The following SNTG2 variants were observed in gnomAD, a reference collection of about 807,000 sequenced individuals.
SNTG2 encodes the protein gamma-2-syntrophin.
SNTG2 carries 74 observed loss-of-function variants against 70.9 expected under a neutral mutation model. The ratio of observed to expected loss-of-function variants is 1.04; its 90% CI spans 0.86 to 1.27. The LOEUF (loss-of-function observed/expected upper bound fraction) is 1.27, where lower values mean the gene tolerates loss of function less well. Among genes scored for constraint, SNTG2 ranks in the 50% most tolerant of loss-of-function variants. The pLI is 0.00. For synonymous variants in SNTG2, 278 were observed against 273.8 expected (o/e 1.02, Z -0.15); for missense variants, 717 against 690.7 (o/e 1.04, Z -0.43).
rs1247007477 is a variant in SNTG2 at position 1,056,190 on chromosome 2, A to G, written c.73-27328A>G. On this transcript the variant is annotated intron_variant, in intron 1 of 16. Transcript: ENST00000308624. ...AGCTTCATTCTGAAGGAAGGAGTTG[A>G]ATAAGTTAAGGAAAGTGGATGAGAG... 1.0e-4 allele frequency among the ~76,000 whole-genome samples: 14 copies of G among 137,550 alleles called. 1 individual carries two copies. Among genetic ancestry groups the G allele is most frequent in the Admixed American group, 6.0e-4 (8 of 13,242 alleles). 90.2% of individuals were successfully genotyped at this position (137,550 alleles called of 152,430 possible). A position where few individuals can be genotyped will look rare whatever the true frequency, so the allele number is the denominator to read the frequency against.
chr2:1,222,107 CTCTCTCTGTCTCTCTCTGTCTCT>C (rs1675194306), intron 9 of SNTG2, among the ~76,000 whole-genome samples: 1 of 70,620 alleles, frequency 1.4e-5, no homozygotes, highest in African/African-American at 6.0e-5. Flanking sequence ...CTCTCTCTGT[CTCTCTCTGTCTCTCTCTGTCTCT>C]CTCTGTCTCT....
At chr2:999,292 ATTAAC>A (rs1182281521) in intron 1 of SNTG2, among the ~76,000 whole-genome samples, 2 of 152,136 alleles carry the variant, frequency 1.3e-5, no homozygotes, top group East Asian at 3.9e-4. Context: ...ACATATCAAT[ATTAAC>A]TTTGAACATA....
intron 1 of SNTG2, among the ~76,000 whole-genome samples, chr2:1,027,181 G>T (rs533178579): frequency 2.0e-5 from 3 of 152,312 alleles, no homozygotes; most frequent in Non-Finnish European, 4.4e-5. Flanking sequence ...GATCTCGTCT[G>T]CTTGTTTCCT....
chr2:1,010,305 A>G (rs1659693421), intron 1 of SNTG2, among the ~76,000 whole-genome samples: 1 of 152,186 alleles, frequency 6.6e-6, no homozygotes, highest in Non-Finnish European at 1.5e-5. Flanking sequence ...TACTGAGGGA[A>G]TAGATAACAT....
At chr2:1,090,580 C>T (rs193043187) in intron 2 of SNTG2, among the ~76,000 whole-genome samples, 68 of 152,230 alleles carry the variant, frequency 4.5e-4, no homozygotes, top group Admixed American at 1.2e-3. Context: ...TTGCAAGGGC[C>T]GGTGGGTGAC....
chr2:1,001,150 A>G (rs1659381743), intron 1 of SNTG2, among the ~76,000 whole-genome samples: 1 of 152,066 alleles, frequency 6.6e-6, no homozygotes, highest in Non-Finnish European at 1.5e-5. Context: ...TGAGAAATGC[A>G]CAGTCAACAT....
chr2:1,287,959 T>TGGATCACCTGAGGC (rs1553273446), intron 14 of SNTG2, among the ~76,000 whole-genome samples: 1 of 151,606 alleles, frequency 6.6e-6, no homozygotes, highest in African/African-American at 2.4e-5. Context: ...GGACCCGGGG[T>TGGATCACCTGAGGC]GGAGCACCTG....
chr2:1,314,838 A>C (rs1681195715), intron 15 of SNTG2, among the ~76,000 whole-genome samples: 1 of 152,192 alleles, frequency 6.6e-6, no homozygotes. Context: ...GGCAGGCAAG[A>C]GAGAGTGTGC....
intron 7 of SNTG2, among the ~76,000 whole-genome samples, chr2:1,170,191 G>GTA (rs1558486410): frequency 6.6e-6 from 1 of 152,078 alleles, no homozygotes; most frequent in South Asian, 2.1e-4. Context: ...TCAAAGTAGG[G>GTA]TTTTATTTTT....
intron 1 of SNTG2, among the ~76,000 whole-genome samples, chr2:998,382 A>C (rs1226261548): frequency 1.3e-5 from 2 of 151,794 alleles, no homozygotes; most frequent in Non-Finnish European, 3.0e-5. Flanking sequence ...AAAGTTGAAA[A>C]ACAACAGAAA....
At chr2:1,211,838 C>A (rs979299080) in intron 9 of SNTG2, among the ~76,000 whole-genome samples, 4 of 152,086 alleles carry the variant, frequency 2.6e-5, no homozygotes, top group Non-Finnish European at 5.9e-5. Context: ...CAAACCATAT[C>A]ACTAGTAATT....
In SNTG2 at chr2:1,329,593, G is replaced by A. The variant is rs564432657; in HGVS notation, c.1488+13218G>A. On this transcript the variant is annotated intron_variant, in intron 16 of 16. Coordinates refer to ENST00000308624, the MANE Select transcript of SNTG2 (RefSeq NM_018968.4). ...TGGCCAGGTTAAAAGGAACAGCCAG[G>A]AAAACAGGAAAACAAAAGTGTCCAT... Among the ~76,000 whole-genome samples the A allele has an allele frequency of 2.1e-4, 32 of 152,318 alleles. 1 individual carries two copies. The highest frequency in any genetic ancestry group is 2.0e-3 in the Admixed American group (30 of 15,308).
intron 16 of SNTG2, among the ~76,000 whole-genome samples, chr2:1,328,893 A>T (rs1681872585): frequency 6.8e-6 from 1 of 146,078 alleles, no homozygotes. Flanking sequence ...GCATACACAC[A>T]TGCATGCACA....
intron 4 of SNTG2, among the ~76,000 whole-genome samples, chr2:1,127,113 A>C (rs563049057): frequency 1.4e-5 from 1 of 71,684 alleles, no homozygotes; most frequent in African/African-American, 5.2e-5. Flanking sequence ...TAGATCTTTG[A>C]TCTATTTTGA....
intron 8 of SNTG2, among the ~76,000 whole-genome samples, chr2:1,189,896 G>GCT (rs1672475118): frequency 6.6e-6 from 1 of 151,996 alleles, no homozygotes; most frequent in African/African-American, 2.4e-5. Flanking sequence ...GTGTCTTAGA[G>GCT]AACACTTGGA....
Position 1,083,525 on chromosome 2 carries a change from C to A in SNTG2, c.80C>A (p.Thr27Asn). 6.2e-7 allele frequency: 1 copy of A among 1,613,648 alleles called. No individual in the cohort carries two copies. The highest frequency in any genetic ancestry group is 8.5e-7 in the Non-Finnish European group (1 of 1,179,672). ...TCCACTTTGTCCCTACAGACGAAAA[C>A]CACTATTGCTCTGTTGTATGATGAA... ...GCLLVPARTKTTIALLYDEES... is the reference protein window; with the variant it reads ...GCLLVPARTKNTIALLYDEES... Residue 27 changes from threonine (T) to asparagine (N), a missense_variant, in exon 2 of 17, where the codon ACC becomes AAC. Thr to Asn is a moderately conservative substitution (Grantham distance 65, BLOSUM62 0). Transcript: ENST00000308624.
rs145283195 is a variant in SNTG2 at position 1,308,517 on chromosome 2, G to T, written c.1308G>T (p.Trp436Cys). 1.1e-3 allele frequency: 1,659 copies of T among 1,551,584 alleles called. 21 individuals are homozygous for T. The East Asian group carries it at 0.017, about 16-fold the overall frequency. The stretch of plus-strand genomic sequence containing the variant: ...AGTCCAGAACATACATGTGCAGCTG[G>T]CAAGGAGAGATGCTGTGTTTCACGG... Reference protein sequence around the residue: ...RTGSRTYMCSWQGEMLCFTVD... With the variant: ...RTGSRTYMCSCQGEMLCFTVD... Residue 436 changes from tryptophan (W) to cysteine (C), a missense_variant, in exon 15 of 17, where the codon TGG (tryptophan) becomes TGT (cysteine). Physicochemically the swap from Trp to Cys is radical, Grantham distance 215 (BLOSUM62 -2). Transcript: ENST00000308624.
At chr2:1,328,866 C>G (rs1479236704) in intron 16 of SNTG2, among the ~76,000 whole-genome samples, 1 of 151,928 alleles carries the variant, frequency 6.6e-6, no homozygotes, top group Admixed American at 6.6e-5. Flanking sequence ...TGCATACACA[C>G]ACATACACAT....
At chr2:1,073,636 GTTC>G (rs997969628) in intron 1 of SNTG2, among the ~76,000 whole-genome samples, 4 of 152,158 alleles carry the variant, frequency 2.6e-5, no homozygotes, top group Admixed American at 2.0e-4. Flanking sequence ...GAGGTTGCTT[GTTC>G]TTCTTTCACA....
Sources: gnomAD v4.1 joint callset for allele counts (sites outside exome capture counted in the v4.1 genomes callset) on GRCh38, gnomAD v4.1.1 for gene constraint, MANE v1.5 for transcripts, NCBI Gene and HGNC (gene_info 2026-07-23, HGNC 2026-07-21) for gene names.